The following NRAS variants were observed in gnomAD, a reference collection of about 807,000 sequenced individuals.
The protein encoded by NRAS is GTPase NRas.
Under a neutral mutation model 21.3 loss-of-function variants are expected in NRAS, and 6 were observed. The ratio of observed to expected loss-of-function variants is 0.28; its 90% CI spans 0.15 to 0.56. The LOEUF is 0.56. NRAS is among the 20% of genes least tolerant of loss of function. The probability of loss-of-function intolerance (pLI) is 0.93; values close to 1 mark genes in which losing one functional copy is unlikely to be tolerated. For synonymous variants in NRAS, 84 were observed against 82.0 expected (o/e 1.02, Z -0.13); for missense variants, 143 against 231.3 (o/e 0.62, Z 2.48).
At chr1:114,712,430 A>G (rs1277471188) in intron 3 of NRAS, among the ~76,000 whole-genome samples, 2 of 152,126 alleles carry the variant, frequency 1.3e-5, no homozygotes, top group Non-Finnish European at 2.9e-5. Context: ...TGTTTTAAAT[A>G]CTCTTTGGTT....
chr1:114,708,135 A>G lies in NRAS; in HGVS notation c.*43+19T>C. 4.8e-6 allele frequency: 1 copy of G among 209,048 alleles called. No homozygotes were observed. Among genetic ancestry groups the G allele is most frequent in the East Asian group, 1.2e-4 (1 of 8,002 alleles). 12.9% of individuals were successfully genotyped at this position (209,048 alleles called of 1,614,324 possible). A position where few individuals can be genotyped will look rare whatever the true frequency, so the allele number is the denominator to read the frequency against. ...ACAAAATTAACAGGAATGAGAATAC[A>G]TTTCCAAACTTGTCCTACCTTGAAA... On this transcript the variant is annotated intron_variant, in intron 6 of 6. Coordinates refer to ENST00000369535, the MANE Select transcript of NRAS (RefSeq NM_002524.5).
Position 114,705,766 on chromosome 1 carries a change from CG to C in NRAS, c.*2327del, listed in dbSNP as rs1658897568. The C allele has an allele frequency of 6.6e-6, 1 of 152,280 alleles. No homozygotes were observed. The highest frequency in any genetic ancestry group is 1.5e-5 in the Non-Finnish European group (1 of 68,100). 9.4% of individuals were successfully genotyped at this position (152,280 alleles called of 1,614,324 possible). A position where few individuals can be genotyped will look rare whatever the true frequency, so the allele number is the denominator to read the frequency against. On this transcript the variant is annotated 3_prime_UTR_variant, in exon 7 of 7. Transcript: ENST00000369535. ...TCTCAAGTAGCTGGGACTACAGGCA[CG>C]GGCCACCATGCCCGGCTAATTGTAA...
chr1:114,711,325 C>T (rs1046070168), intron 3 of NRAS, among the ~76,000 whole-genome samples: 1 of 151,850 alleles, frequency 6.6e-6, no homozygotes, highest in Non-Finnish European at 1.5e-5. Context: ...AGGCCGGGCA[C>T]GGTGGTTCAC....
intron 2 of NRAS, among the ~76,000 whole-genome samples, chr1:114,715,639 A>T (rs1016473986): frequency 6.6e-6 from 1 of 152,142 alleles, no homozygotes; most frequent in Admixed American, 6.6e-5. Flanking sequence ...TACTCCAATC[A>T]TCTGGTCTCA....
chr1:114,706,148 A>C lies in NRAS; in HGVS notation c.*1946T>G, dbSNP rs567177411. The C allele has an allele frequency of 3.9e-5, 6 of 152,338 alleles. No homozygotes were observed. Among genetic ancestry groups the C allele is most frequent in the African/African-American group, 1.4e-4 (6 of 41,590 alleles). The allele number at this position is 152,338 out of a possible 1,614,324, so 9.4% of individuals were successfully genotyped here. On this transcript the variant is annotated 3_prime_UTR_variant, in exon 7 of 7. Transcript: ENST00000369535. Reference sequence around the variant, plus strand: ...TCCCAGAATTAGCAGTAAGAAGCACAACTCTGCAGGTTCATTATACTCTGG... The same window carrying C: ...TCCCAGAATTAGCAGTAAGAAGCACCACTCTGCAGGTTCATTATACTCTGG...
Position 114,712,198 on chromosome 1 carries a change from C to T in NRAS, c.290+1602G>A, listed in dbSNP as rs138387881. Among the ~76,000 whole-genome samples the T allele has an allele frequency of 1.5e-3, 235 of 152,312 alleles. 2 individuals are homozygous for T. Among genetic ancestry groups the T allele is most frequent in the African/African-American group, 5.2e-3 (216 of 41,568 alleles). On this transcript the variant is annotated intron_variant, in intron 3 of 6. Transcript: ENST00000369535. ...TTTCCTTCTAGTCCGAGCAACTTAA[C>T]GGCTTTCAGCATACAGATACTGAAT...
chr1:114,712,998 C>T (rs180712316), intron 3 of NRAS, among the ~76,000 whole-genome samples: 1 of 152,234 alleles, frequency 6.6e-6, no homozygotes, highest in African/African-American at 2.4e-5. Flanking sequence ...GACTCCAAAA[C>T]CTAACAAACG....
Position 114,716,101 on chromosome 1 carries a change from T to A in NRAS, c.60A>T (p.Thr20=). Residue 20 remains threonine (T), a synonymous_variant, in exon 2 of 7, where the codon ACA becomes ACT. Coordinates refer to ENST00000369535, the MANE Select transcript of NRAS (RefSeq NM_002524.5). ...CAAAGTGGTTCTGGATTAGCTGGAT[T>A]GTCAGTGCGCTTTTCCCAACACCAC... ...GAGGVGKSAL[T]IQLIQNHFVD... is the part of the protein sequence containing the mutation. The A allele has an allele frequency of 6.2e-7, 1 of 1,614,118 alleles. No individual in the cohort carries two copies. The highest frequency in any genetic ancestry group is 8.5e-7 in the Non-Finnish European group (1 of 1,179,966).
At chr1:114,713,605 G>A (rs1434214521) in intron 3 of NRAS, among the ~76,000 whole-genome samples, 195 bp downstream of exon 3, 1 of 152,052 alleles carries the variant, frequency 6.6e-6, no homozygotes, top group Non-Finnish European at 1.5e-5. Context: ...AAACTTTATA[G>A]TAACAGTATA....
chr1:114,713,652 T>C (rs532337947), intron 3 of NRAS, 148 bp downstream of exon 3: 74 of 677,302 alleles, frequency 1.1e-4, no homozygotes, highest in Non-Finnish European at 1.8e-4. Context: ...CTTTCAGTAA[T>C]TACCCTAGAT....
rs559383901 is a variant in NRAS at position 114,709,951 on chromosome 1, G to A, written c.291-223C>T. Among the ~76,000 whole-genome samples, 4 of 152,066 alleles carry A rather than the reference G, an allele frequency of 2.6e-5. No individual in the cohort carries two copies. In the South Asian group the frequency reaches 8.3e-4, roughly 32 times the overall value. ...CTCATGCCTGTATTCCCAGCACTTTGGGAGGTTGAGGTGGGCAGATCACAA... is the reference window on the plus strand; with the variant it reads ...CTCATGCCTGTATTCCCAGCACTTTAGGAGGTTGAGGTGGGCAGATCACAA... On this transcript the variant is annotated intron_variant, in intron 3 of 6. Transcript: ENST00000369535.
rs530108099 is a variant in NRAS at position 114,709,244 on chromosome 1, C to T, written c.450+325G>A. 1.4e-3 allele frequency among the ~76,000 whole-genome samples: 212 copies of T among 152,166 alleles called. 1 individual carries two copies. Among genetic ancestry groups the T allele is most frequent in the Admixed American group, 7.3e-3 (111 of 15,296 alleles). ...TTGAGGCCAGGAGTTCGAGACCAGC[C>T]TGGGCAACATGGTAAAACCCTGTCT... On this transcript the variant is annotated intron_variant, in intron 4 of 6. Coordinates refer to ENST00000369535, the MANE Select transcript of NRAS (RefSeq NM_002524.5).
chr1:114,715,951 T>C (rs1212701204), intron 2 of NRAS, 99 bp downstream of exon 2: 1 of 817,470 alleles, frequency 1.2e-6, no homozygotes, highest in African/African-American at 1.7e-5. Flanking sequence ...AATAACTTTT[T>C]ACTTTCTCTC....
chr1:114,708,742 T>C, intron 4 of NRAS, 88 bp from the exon 5 acceptor site: 2 of 1,211,338 alleles, frequency 1.7e-6, no homozygotes, highest in South Asian at 2.5e-5. Context: ...TGTATCTCTT[T>C]ATGTGGACAT....
chr1:114,713,840 T>C lies in NRAS; in HGVS notation c.250A>G (p.Ile84Val), dbSNP rs376177995. ...TCCGCAAATGACTTGCTATTATTGA[T>C]GGCAAATACACAGAGGAAGCCTTCG... ...TGEGFLCVFA[I>V]NNSKSFADIN... The change falls in exon 3 of 7, where the codon ATC (isoleucine) becomes GTC (valine). Residue 84 changes from isoleucine (I) to valine (V), a missense_variant. Ile to Val is a conservative substitution (Grantham distance 29). Transcript: ENST00000369535. 1.6e-5 allele frequency: 26 copies of C among 1,614,002 alleles called. No individual in the cohort carries two copies. Among genetic ancestry groups the C allele is most frequent in the Middle Eastern group, 1.6e-4 (1 of 6,084 alleles).
At chr1:114,712,082 A>G (rs1190862810) in intron 3 of NRAS, among the ~76,000 whole-genome samples, 1 of 152,190 alleles carries the variant, frequency 6.6e-6, no homozygotes, top group East Asian at 1.9e-4. Flanking sequence ...ACATTAAGGG[A>G]TAAGACAGCC....
Position 114,715,509 on chromosome 1 carries a change from T to C in NRAS, c.111+541A>G, listed in dbSNP as rs529411312. On this transcript the variant is annotated intron_variant, in intron 2 of 6. Transcript: ENST00000369535. ...GGTAGGCAGGACAAGTTTATGGTAATTTAAAACATGAGGAAAATGAGGTTG... is the reference window on the plus strand; with the variant it reads ...GGTAGGCAGGACAAGTTTATGGTAACTTAAAACATGAGGAAAATGAGGTTG... 1.4e-4 allele frequency among the ~76,000 whole-genome samples: 22 copies of C among 152,318 alleles called. 1 individual carries two copies. The South Asian group carries it at 4.6e-3, about 32-fold the overall frequency.
chr1:114,712,917 T>TTTAAGAA (rs1176406969), intron 3 of NRAS, among the ~76,000 whole-genome samples: 2 of 152,204 alleles, frequency 1.3e-5, no homozygotes, highest in African/African-American at 2.4e-5. Context: ...TATTATTCTG[T>TTTAAGAA]TTAAGAACAC....
chr1:114,711,633 A>ATTGTATCTGG (rs1659048440), intron 3 of NRAS, among the ~76,000 whole-genome samples: 1 of 152,148 alleles, frequency 6.6e-6, no homozygotes, highest in East Asian at 1.9e-4. Context: ...CAAACAAAAA[A>ATTGTATCTGG]AACAAACCTA....
Sources: gnomAD v4.1 joint callset for allele counts (sites outside exome capture counted in the v4.1 genomes callset) on GRCh38, gnomAD v4.1.1 for gene constraint, MANE v1.5 for transcripts, NCBI Gene and HGNC (gene_info 2026-07-23, HGNC 2026-07-21) for gene names.